The following MACROD1 variants were observed in gnomAD, a reference collection of about 807,000 sequenced individuals.
MACROD1 encodes the protein ADP-ribose glycohydrolase MACROD1.
Under a neutral mutation model 41.4 loss-of-function variants are expected in MACROD1, and 31 were observed. That is an observed-to-expected ratio of 0.75 (90% CI 0.56 to 1.01). The LOEUF (loss-of-function observed/expected upper bound fraction) is 1.01, where lower values mean the gene tolerates loss of function less well. Ranked by LOEUF, MACROD1 falls within the 50% of genes least tolerant of loss-of-function variation. The pLI is 0.00. For missense variants in MACROD1, 473 were observed against 460.0 expected (o/e 1.03, Z -0.26); for synonymous variants, 252 against 203.4 (o/e 1.24, Z -2.03).
chr11:64,021,018 C>T (rs1286152230), intron 3 of MACROD1, among the ~76,000 whole-genome samples: 1 of 152,204 alleles, frequency 6.6e-6, no homozygotes, highest in Non-Finnish European at 1.5e-5. Flanking sequence ...CGCCCGGCCC[C>T]CAGGTGCTTA....
intron 3 of MACROD1, among the ~76,000 whole-genome samples, chr11:64,026,787 C>T (rs527309679): frequency 8.9e-4 from 136 of 152,162 alleles, no homozygotes; most frequent in Non-Finnish European, 1.5e-3. Flanking sequence ...TTTGCACATA[C>T]GTTTCCCTCT....
At chr11:64,068,517 G>A (rs758210808) in intron 3 of MACROD1, among the ~76,000 whole-genome samples, 2 of 152,248 alleles carry the variant, frequency 1.3e-5, no homozygotes, top group African/African-American at 2.4e-5. Flanking sequence ...GGATAACGAT[G>A]GTTGTCTCCC....
chr11:64,044,172 G>C (rs1028918743), intron 3 of MACROD1, among the ~76,000 whole-genome samples: 4 of 151,846 alleles, frequency 2.6e-5, no homozygotes, highest in Non-Finnish European at 5.9e-5. Flanking sequence ...CAACACATGA[G>C]AGTAATCAAC....
In MACROD1 at chr11:63,999,379, C is replaced by T; in HGVS notation, c.843G>A (p.Glu281=). ...ACTCTCGCAGCGTGGCCAGCACGAT[C>T]TCGGCGGCCGCCTCACAGGGGTAGC... is the stretch of plus-strand genomic sequence containing the variant. ...VFGYPCEAAA[E]IVLATLREWL... is the part of the protein sequence containing the mutation. Residue 281 remains glutamate, a synonymous_variant, in exon 8 of 11, where the codon GAG becomes GAA. Coordinates refer to ENST00000255681, the MANE Select transcript of MACROD1 (RefSeq NM_014067.4). 1 of 1,592,338 alleles carries T rather than the reference C, an allele frequency of 6.3e-7. No individual in the cohort carries two copies. The highest frequency in any genetic ancestry group is 1.1e-5 in the South Asian group (1 of 88,854).
At chr11:64,102,641 C>T (rs1451087222) in intron 3 of MACROD1, among the ~76,000 whole-genome samples, 1 of 152,194 alleles carries the variant, frequency 6.6e-6, no homozygotes, top group Non-Finnish European at 1.5e-5. Flanking sequence ...CTTCCACCCC[C>T]AGGGAGGGAA....
At chr11:64,001,168 G>T in intron 4 of MACROD1, 1 of 505,844 alleles carries the variant, frequency 2.0e-6, no homozygotes, top group South Asian at 2.6e-5. Flanking sequence ...GCCCAACCTC[G>T]CCAGGGCACC....
At chr11:64,128,522 G>A (rs1245777633) in intron 3 of MACROD1, among the ~76,000 whole-genome samples, 1 of 152,090 alleles carries the variant, frequency 6.6e-6, no homozygotes, top group Non-Finnish European at 1.5e-5. Context: ...AGGACTAGGA[G>A]GCAATGGGGA....
chr11:64,123,155 C>G lies in MACROD1; in HGVS notation c.517+28084G>C, dbSNP rs1395023254. Among the ~76,000 whole-genome samples, 10 of 152,216 alleles carry G rather than the reference C, an allele frequency of 6.6e-5. 1 individual carries two copies. Among genetic ancestry groups the G allele is most frequent in the Admixed American group, 6.5e-4 (10 of 15,288 alleles). Reference sequence around the variant, plus strand: ...GGCCGGGCGCAGGGACCTGTGCCCCCAAGGGCCAGACCCTGCTCTCAGGGC... The same window carrying G: ...GGCCGGGCGCAGGGACCTGTGCCCCGAAGGGCCAGACCCTGCTCTCAGGGC... On this transcript the variant is annotated intron_variant, in intron 3 of 10. Coordinates refer to ENST00000255681, the MANE Select transcript of MACROD1 (RefSeq NM_014067.4).
At chr11:64,019,876 G>A (rs1943130897) in intron 3 of MACROD1, among the ~76,000 whole-genome samples, 1 of 152,136 alleles carries the variant, frequency 6.6e-6, no homozygotes, top group South Asian at 2.1e-4. Context: ...TGAAGGATAA[G>A]AAGGAAAGGC....
chr11:64,116,154 C>T (rs893225833), intron 3 of MACROD1: 74 of 1,446,632 alleles, frequency 5.1e-5, no homozygotes, highest in Non-Finnish European at 5.8e-5. Flanking sequence ...AGGGAATGCA[C>T]GATTCACTCC....
chr11:64,028,426 A>G (rs997755306), intron 3 of MACROD1, among the ~76,000 whole-genome samples: 1 of 152,102 alleles, frequency 6.6e-6, no homozygotes, highest in Admixed American at 6.5e-5. Context: ...CACGCTGCAG[A>G]GGGAGGAGGG....
chr11:64,052,432 T>C (rs1943712148), intron 3 of MACROD1, among the ~76,000 whole-genome samples: 1 of 152,298 alleles, frequency 6.6e-6, no homozygotes, highest in East Asian at 1.9e-4. Context: ...CATCTTAGTC[T>C]CTCTCCCCAG....
Position 63,999,365 on chromosome 11 carries a change from G to T in MACROD1, c.857C>A (p.Thr286Lys). 1.3e-6 allele frequency: 2 copies of T among 1,592,656 alleles called. No homozygotes were observed. Among genetic ancestry groups the T allele is most frequent in the Middle Eastern group, 1.9e-4 (1 of 5,132 alleles). Reference sequence around the variant, plus strand: ...GTGCTGCTCCAGCCACTCTCGCAGCGTGGCCAGCACGATCTCGGCGGCCGC... The same window carrying T: ...GTGCTGCTCCAGCCACTCTCGCAGCTTGGCCAGCACGATCTCGGCGGCCGC... Reference protein sequence around the residue: ...CEAAAEIVLATLREWLEQHKD... With the variant: ...CEAAAEIVLAKLREWLEQHKD... The change falls in exon 8 of 11, where the codon ACG (threonine) becomes AAG (lysine). Residue 286 changes from threonine (T) to lysine (K), a missense_variant. Transcript: ENST00000255681.
chr11:64,038,700 A>G lies in MACROD1; in HGVS notation c.518-23419T>C, dbSNP rs11828195. On this transcript the variant is annotated intron_variant, in intron 3 of 10. Transcript: ENST00000255681. ...ATCTCAGAGATGGGGCCTGTATGGGACTGTGTGGGTCTGGCTGTGCTGGCC... is the reference window on the plus strand; with the variant it reads ...ATCTCAGAGATGGGGCCTGTATGGGGCTGTGTGGGTCTGGCTGTGCTGGCC... 9.1e-3 allele frequency among the ~76,000 whole-genome samples: 1,386 copies of G among 152,164 alleles called. 27 individuals carry two copies. Among genetic ancestry groups the G allele is most frequent in the African/African-American group, 0.032 (1,320 of 41,502 alleles).
At chr11:63,999,452 C>T in intron 7 of MACROD1, 48 bp from the exon 8 acceptor site, 2 of 1,560,672 alleles carry the variant, frequency 1.3e-6, no homozygotes, top group African/African-American at 2.7e-5. Flanking sequence ...GCCCCGCCCA[C>T]TCCCCTGTCC....
intron 3 of MACROD1, among the ~76,000 whole-genome samples, chr11:64,150,701 C>T (rs1052739128): frequency 1.3e-5 from 2 of 152,162 alleles, no homozygotes; most frequent in Non-Finnish European, 2.9e-5. Flanking sequence ...AAGAGGCAGC[C>T]GGCTCCCATA....
At position 64,001,061 on chromosome 11, in the gene MACROD1, C is replaced by T. The variant is rs375362727; in HGVS notation, c.548-718G>A. 128 of 243,608 alleles carry T rather than the reference C, an allele frequency of 5.3e-4. 1 individual carries two copies. The highest frequency in any genetic ancestry group is 2.7e-3 in the African/African-American group (121 of 44,360). The allele number at this position is 243,608 out of a possible 1,614,324, so 15.1% of individuals were successfully genotyped here. A position where few individuals can be genotyped will look rare whatever the true frequency, so the allele number is the denominator to read the frequency against. On this transcript the variant is annotated intron_variant, in intron 4 of 10. Coordinates refer to ENST00000255681, the MANE Select transcript of MACROD1 (RefSeq NM_014067.4). ...TACGGCCCCGCATGGGCTTGTTTAT[C>T]CGAGGGCGGCTGCAGGGCCTCGCGA... is the stretch of plus-strand genomic sequence containing the variant.
chr11:64,088,444 C>A (rs141862780), intron 3 of MACROD1, among the ~76,000 whole-genome samples: 2 of 152,160 alleles, frequency 1.3e-5, no homozygotes, highest in Non-Finnish European at 2.9e-5. Flanking sequence ...CCTGCAGGTG[C>A]GGCTGTGGGC....
chr11:64,139,917 C>T (rs1945387474), intron 3 of MACROD1, among the ~76,000 whole-genome samples: 1 of 150,848 alleles, frequency 6.6e-6, no homozygotes, highest in South Asian at 2.1e-4. Flanking sequence ...GATCACGCCA[C>T]TGCACTCTAG....
Sources: allele counts gnomAD v4.1 joint callset (sites outside exome capture counted in the v4.1 genomes callset), GRCh38; gene constraint gnomAD v4.1.1; transcripts MANE v1.5; gene names NCBI Gene and HGNC (gene_info 2026-07-23, HGNC 2026-07-21).